Variants in WNT11 observed in about 807,000 individuals in gnomAD.
WNT11 encodes the protein protein Wnt-11.
WNT11 carries 20 observed loss-of-function variants against 35.6 expected under a neutral mutation model. That is an observed-to-expected ratio of 0.56 (90% CI 0.40 to 0.82). The LOEUF (loss-of-function observed/expected upper bound fraction) is 0.82, where lower values mean the gene tolerates loss of function less well. Among genes scored for constraint, WNT11 ranks in the 40% least tolerant of loss-of-function variants. The pLI is 0.00. For missense variants in WNT11, 459 were observed against 504.4 expected (o/e 0.91, Z 0.86); for synonymous variants, 200 against 211.9 (o/e 0.94, Z 0.49).
chr11:76,206,380 C>T lies in WNT11; in HGVS notation c.28G>A (p.Ala10Thr). Residue 10 changes from alanine (A) to threonine (T), a missense_variant, in exon 1 of 5, where the codon GCG (alanine) becomes ACG (threonine). Physicochemically the swap from Ala to Thr is moderately conservative, Grantham distance 58. Coordinates refer to ENST00000322563, the MANE Select transcript of WNT11 (RefSeq NM_004626.3). ...TGGAGCGCCAGGGCGAAGAGCAGCG[C>T]CTCGCAGACCTGCGGCCGCGCCCTC... MRARPQVCE[A>T]LLFALALQTG... The T allele has an allele frequency of 6.4e-7, 1 of 1,552,610 alleles. No individual in the cohort carries two copies. Among genetic ancestry groups the T allele is most frequent in the Non-Finnish European group, 8.7e-7 (1 of 1,155,294 alleles).
At chr11:76,201,141 GA>G (rs1953367898) in intron 1 of WNT11, among the ~76,000 whole-genome samples, 1 of 152,224 alleles carries the variant, frequency 6.6e-6, no homozygotes, top group South Asian at 2.1e-4. Flanking sequence ...GGTGCTGTCA[GA>G]GCACCTTCCA....
At chr11:76,196,252 C>T (rs953529570) in intron 2 of WNT11, among the ~76,000 whole-genome samples, 2 of 152,186 alleles carry the variant, frequency 1.3e-5, no homozygotes, top group African/African-American at 4.8e-5. Context: ...GTGATGATAT[C>T]GCCACTCATC....
At chr11:76,199,034 G>A (rs11236653) in intron 1 of WNT11, among the ~76,000 whole-genome samples, 29,615 of 152,048 alleles carry the variant, frequency 0.19, 3,081 homozygotes, top group South Asian at 0.28. Context: ...TGCTCAGGAG[G>A]CTGAGGCAGA....
chr11:76,187,313 A>T (rs1214940166), intron 4 of WNT11, 74 bp from the exon 5 acceptor site: 5 of 1,423,422 alleles, frequency 3.5e-6, no homozygotes, highest in South Asian at 3.0e-5. Flanking sequence ...ACTCCCAGCC[A>T]GGCAGCCGGC....
chr11:76,206,421 G>C lies in WNT11; in HGVS notation c.-14C>G. The stretch of plus-strand genomic sequence containing the variant: ...CCGCGCCCTCATCGTCGCGCGGCGG[G>C]CGCGCCCGGGGTCACACCCAGGAGG... On this transcript the variant is annotated 5_prime_UTR_variant, in exon 1 of 5. Transcript: ENST00000322563. 6.7e-7 allele frequency: 1 copy of C among 1,494,318 alleles called. No homozygotes were observed. Among genetic ancestry groups the C allele is most frequent in the South Asian group, 1.3e-5 (1 of 78,476 alleles). The allele number at this position is 1,494,318 out of a possible 1,614,324, so 92.6% of individuals were successfully genotyped here.
intron 1 of WNT11, among the ~76,000 whole-genome samples, chr11:76,204,768 G>A (rs1565197227): frequency 6.6e-6 from 1 of 152,078 alleles, no homozygotes; most frequent in Admixed American, 6.5e-5. Flanking sequence ...GTGGGGGCTT[G>A]CGTGCATCAT....
intron 4 of WNT11, 57 bp from the exon 5 acceptor site, chr11:76,187,296 C>T (rs1019602430): frequency 5.6e-5 from 86 of 1,528,704 alleles, no homozygotes; most frequent in Non-Finnish European, 7.5e-5. Flanking sequence ...CCCACCAACA[C>T]CCCATGACTC....
At chr11:76,204,159 G>A (rs1591312381) in intron 1 of WNT11, among the ~76,000 whole-genome samples, 1 of 152,150 alleles carries the variant, frequency 6.6e-6, no homozygotes, top group East Asian at 1.9e-4. Flanking sequence ...ATATATGCAC[G>A]TGGCCTACAC....
At chr11:76,201,970 C>T (rs1315856080) in intron 1 of WNT11, among the ~76,000 whole-genome samples, 1 of 152,184 alleles carries the variant, frequency 6.6e-6, no homozygotes, top group Non-Finnish European at 1.5e-5. Context: ...CCTCTAGGCA[C>T]AGGGGTCAGG....
At chr11:76,196,369 G>A in intron 2 of WNT11, 114 bp downstream of exon 2, 3 of 1,211,090 alleles carry the variant, frequency 2.5e-6, no homozygotes, top group Non-Finnish European at 3.6e-6. Flanking sequence ...ATTCATCCAT[G>A]AATCCATCAT....
At chr11:76,189,355 C>T (rs1380207797) in intron 4 of WNT11, among the ~76,000 whole-genome samples, 1 of 152,208 alleles carries the variant, frequency 6.6e-6, no homozygotes, top group African/African-American at 2.4e-5. Flanking sequence ...GGGCCATAGG[C>T]CCAGGGAAGG....
In WNT11 at chr11:76,186,826, A is replaced by C. The variant is rs1195729808; in HGVS notation, c.*239T>G. On this transcript the variant is annotated 3_prime_UTR_variant, in exon 5 of 5. Coordinates refer to ENST00000322563, the MANE Select transcript of WNT11 (RefSeq NM_004626.3). ...CAGCCTGTGGGCACTCCAGAGCCTC[A>C]GGCTGCCAAGTTATTTTTAATCTTG... The C allele has an allele frequency of 1.5e-6, 1 of 652,988 alleles. No homozygotes were observed. Among genetic ancestry groups the C allele is most frequent in the Admixed American group, 2.1e-5 (1 of 47,534 alleles). 40.4% of individuals were successfully genotyped at this position (652,988 alleles called of 1,614,324 possible). A position where few individuals can be genotyped will look rare whatever the true frequency, so the allele number is the denominator to read the frequency against.
chr11:76,201,071 G>C (rs911731684), intron 1 of WNT11, among the ~76,000 whole-genome samples: 2 of 152,206 alleles, frequency 1.3e-5, no homozygotes, highest in African/African-American at 4.8e-5. Flanking sequence ...ACCCTGGGGT[G>C]AGCCCTGGAG....
intron 1 of WNT11, among the ~76,000 whole-genome samples, chr11:76,201,005 G>A (rs1312952772): frequency 2.6e-5 from 4 of 152,214 alleles, no homozygotes; most frequent in African/African-American, 9.6e-5. Context: ...GCTGGGTGCT[G>A]CAGCTCTAAA....
intron 3 of WNT11, among the ~76,000 whole-genome samples, chr11:76,192,227 C>T (rs1049286834): frequency 2.0e-5 from 3 of 152,194 alleles, no homozygotes; most frequent in Non-Finnish European, 4.4e-5. Flanking sequence ...GTCTCATGCC[C>T]AAGGGTGCAG....
intron 1 of WNT11, 61 bp downstream of exon 1, chr11:76,206,264 A>C (rs1953470727): frequency 7.4e-7 from 1 of 1,359,422 alleles, no homozygotes; most frequent in Non-Finnish European, 9.6e-7. Context: ...AGGGGACCCC[A>C]AAACGCCCTC....
At chr11:76,210,553 G>A (rs1236207424), upstream of WNT11, 20 of 985,254 alleles carry the variant, frequency 2.0e-5, no homozygotes, top group African/African-American at 3.5e-4. Flanking sequence ...GTTTCCAGCG[G>A]GCCCGTGCGC....
chr11:76,193,457 G>T (rs1294011888), intron 3 of WNT11, among the ~76,000 whole-genome samples: 1 of 152,256 alleles, frequency 6.6e-6, no homozygotes, highest in East Asian at 1.9e-4. Flanking sequence ...GCTGGCCGCT[G>T]GCGAAGGGCT....
At chr11:76,203,851 C>T (rs946357167) in intron 1 of WNT11, among the ~76,000 whole-genome samples, 1 of 152,252 alleles carries the variant, frequency 6.6e-6, no homozygotes, top group African/African-American at 2.4e-5. Flanking sequence ...CCTCACTGAA[C>T]ACTTCCCTGC....
Sources: allele counts gnomAD v4.1 joint callset (sites outside exome capture counted in the v4.1 genomes callset), GRCh38; gene constraint gnomAD v4.1.1; transcripts MANE v1.5; gene names NCBI Gene and HGNC (gene_info 2026-07-23, HGNC 2026-07-21).